Variants in CMSS1 observed in about 807,000 individuals in gnomAD.
The protein encoded by CMSS1 is protein CMSS1.
Under a neutral mutation model 43.5 loss-of-function variants are expected in CMSS1, and 33 were observed. The ratio of observed to expected loss-of-function variants is 0.76; its 90% CI spans 0.57 to 1.01. The LOEUF (loss-of-function observed/expected upper bound fraction) is 1.01. Among genes scored for constraint, CMSS1 ranks in the 50% least tolerant of loss-of-function variants. The pLI is 0.00. For missense variants in CMSS1, 313 were observed against 326.4 expected, an observed-to-expected ratio of 0.96 and a Z score of 0.32; for synonymous variants, 115 against 117.2, an observed-to-expected ratio of 0.98 and a Z score of 0.12.
At chr3:99,976,532 G>A (rs1211556654) in intron 1 of CMSS1, among the ~76,000 whole-genome samples, 2 of 152,082 alleles carry the variant, frequency 1.3e-5, no homozygotes, top group African/African-American at 4.8e-5. Context: ...TAGTCCAGTG[G>A]TTTTTCTTTC....
chr3:100,076,418 T>G (rs1310327941), intron 1 of CMSS1, among the ~76,000 whole-genome samples: 4 of 152,234 alleles, frequency 2.6e-5, no homozygotes, highest in African/African-American at 9.6e-5. Flanking sequence ...TTCTTTTTCT[T>G]TTATCATTGT....
intron 1 of CMSS1, among the ~76,000 whole-genome samples, chr3:100,084,670 T>C (rs943315201): frequency 6.6e-6 from 1 of 152,220 alleles, no homozygotes; most frequent in Non-Finnish European, 1.5e-5. Context: ...GTTAGAGAAA[T>C]TGTCACTTAC....
chr3:99,870,556 A>G lies in CMSS1; in HGVS notation c.64+52513A>G, dbSNP rs546579865. Among the ~76,000 whole-genome samples the G allele has an allele frequency of 6.6e-5, 10 of 152,324 alleles. No homozygotes were observed. The East Asian group carries it at 1.7e-3, about 26-fold the overall frequency. On this transcript the variant is annotated intron_variant, in intron 1 of 9. Coordinates refer to ENST00000421999, the MANE Select transcript of CMSS1 (RefSeq NM_032359.4). Reference sequence around the variant, plus strand: ...CTTGTCATTAATGTGGTACCAGTCCATGCTAGTAGCTATAGCTGGGTTAGT... The same window carrying G: ...CTTGTCATTAATGTGGTACCAGTCCGTGCTAGTAGCTATAGCTGGGTTAGT...
chr3:100,071,240 C>T (rs149861713), intron 1 of CMSS1, among the ~76,000 whole-genome samples: 13 of 152,022 alleles, frequency 8.6e-5, no homozygotes, highest in Non-Finnish European at 1.8e-4. Context: ...TTTTCTCTTA[C>T]TCACTTCATC....
intron 1 of CMSS1, among the ~76,000 whole-genome samples, chr3:99,915,408 A>T (rs1380607744): frequency 6.6e-6 from 1 of 152,230 alleles, no homozygotes; most frequent in Non-Finnish European, 1.5e-5. Context: ...TTGATTTTTC[A>T]TAATAACTTT....
At chr3:99,832,733 T>TG (rs112101348) in intron 1 of CMSS1, among the ~76,000 whole-genome samples, 107,842 of 146,376 alleles carry the variant, frequency 0.74, 40,338 homozygotes, top group African/African-American at 0.88. Flanking sequence ...CCCAGCTACT[T>TG]GGAGGCTAAG....
intron 1 of CMSS1, among the ~76,000 whole-genome samples, chr3:99,837,866 TTA>T (rs1375126106): frequency 6.6e-6 from 1 of 152,226 alleles, no homozygotes; most frequent in African/African-American, 2.4e-5. Context: ...GTGCTTGTCT[TTA>T]TAGTGGCTGG....
intron 1 of CMSS1, among the ~76,000 whole-genome samples, chr3:100,035,291 T>A (rs1459301747): frequency 6.6e-6 from 1 of 152,190 alleles, no homozygotes; most frequent in Admixed American, 6.5e-5. Context: ...TATTATTATT[T>A]GAGACACAGT....
intron 1 of CMSS1, among the ~76,000 whole-genome samples, chr3:99,915,859 A>C (rs1576570272): frequency 6.6e-6 from 1 of 152,214 alleles, no homozygotes; most frequent in African/African-American, 2.4e-5. Flanking sequence ...ACAATATGCC[A>C]CTTGAAAACT....
intron 1 of CMSS1, among the ~76,000 whole-genome samples, chr3:99,829,078 A>G (rs1388736214): frequency 1.3e-5 from 2 of 152,150 alleles, no homozygotes; most frequent in African/African-American, 4.8e-5. Flanking sequence ...TTAGATAAGT[A>G]TGGGGAATGG....
At chr3:99,851,173 CTG>C (rs1337636927) in intron 1 of CMSS1, 3 of 953,454 alleles carry the variant, frequency 3.1e-6, no homozygotes, top group African/African-American at 3.3e-5. Context: ...ATTATATGAG[CTG>C]TGTCAGTTCA....
intron 1 of CMSS1, among the ~76,000 whole-genome samples, chr3:99,893,323 G>T (rs1390929661): frequency 6.6e-6 from 1 of 151,882 alleles, no homozygotes; most frequent in East Asian, 1.9e-4. Flanking sequence ...CTGCCACCAC[G>T]CCCGGCTAAT....
intron 1 of CMSS1, among the ~76,000 whole-genome samples, chr3:100,118,750 G>C (rs945881682): frequency 6.6e-6 from 1 of 152,080 alleles, no homozygotes; most frequent in Non-Finnish European, 1.5e-5. Context: ...TGGCCTTTCT[G>C]TCACAGCATC....
chr3:99,984,060 T>TTG (rs1345429258), intron 1 of CMSS1, among the ~76,000 whole-genome samples: 2 of 25,024 alleles, frequency 8.0e-5, no homozygotes, highest in South Asian at 1.4e-3. Context: ...GTATGTGTGT[T>TTG]TGTGTGTGTG....
chr3:100,181,140 C>T lies in CMSS1; in HGVS notation c.*2752C>T, dbSNP rs1284477062. On this transcript the variant is annotated 3_prime_UTR_variant, in exon 10 of 10. Transcript: ENST00000421999. ...CTAATCACCTCCCACCAGATCCCTC[C>T]CCCAACACTGGGAATTACAATTCGA... The T allele has an allele frequency of 1.3e-5, 2 of 152,194 alleles. No individual in the cohort carries two copies. Among genetic ancestry groups the T allele is most frequent in the Non-Finnish European group, 2.9e-5 (2 of 68,044 alleles). 9.4% of individuals were successfully genotyped at this position (152,194 alleles called of 1,614,324 possible).
intron 1 of CMSS1, among the ~76,000 whole-genome samples, chr3:100,073,570 C>T (rs1301955155): frequency 1.3e-5 from 2 of 152,154 alleles, no homozygotes; most frequent in African/African-American, 4.8e-5. Flanking sequence ...GTCCAGGATG[C>T]AAGAGAGGGA....
chr3:100,007,611 G>A (rs566588547), intron 1 of CMSS1, among the ~76,000 whole-genome samples: 1 of 152,250 alleles, frequency 6.6e-6, no homozygotes, highest in South Asian at 2.1e-4. Flanking sequence ...CCCAGAATTG[G>A]CCCAGAAAGT....
In CMSS1 at chr3:100,174,062, C is replaced by T. The variant is rs538270720; in HGVS notation, c.667+1659C>T. On this transcript the variant is annotated intron_variant, in intron 8 of 9. Transcript: ENST00000421999. ...AGAGACCAACTTTCTTGCTTGGAAA[C>T]TTCGTGGGCTCTAGTAGCAGCTGAT... is the stretch of plus-strand genomic sequence containing the variant. Among the ~76,000 whole-genome samples, 5 of 152,346 alleles carry T rather than the reference C, an allele frequency of 3.3e-5. No individual in the cohort carries two copies. In the South Asian group the frequency reaches 1.0e-3, roughly 32 times the overall value.
chr3:100,155,793 A>G (rs1394611379), intron 2 of CMSS1, among the ~76,000 whole-genome samples: 3 of 152,212 alleles, frequency 2.0e-5, no homozygotes, highest in African/African-American at 7.2e-5. Context: ...TTGCAAATAA[A>G]CTTTATTCAT....
Sources: gnomAD v4.1 joint callset for allele counts (sites outside exome capture counted in the v4.1 genomes callset) on GRCh38, gnomAD v4.1.1 for gene constraint, MANE v1.5 for transcripts, NCBI Gene and HGNC (gene_info 2026-07-23, HGNC 2026-07-21) for gene names.